Variants in MYO3A observed in about 807,000 individuals in gnomAD.
MYO3A encodes the protein myosin IIIA.
A neutral mutation model predicts 192.7 loss-of-function variants in MYO3A; 180 were observed. The ratio of observed to expected loss-of-function variants is 0.93; its 90% CI spans 0.83 to 1.06. The LOEUF (loss-of-function observed/expected upper bound fraction) is 1.06, where lower values mean the gene tolerates loss of function less well. Among genes scored for constraint, MYO3A ranks in the 50% least tolerant of loss-of-function variants. The probability of loss-of-function intolerance (pLI) is 0.00; values close to 1 mark genes in which losing one functional copy is unlikely to be tolerated. For missense variants in MYO3A, 1,896 were observed against 1,905.0 expected, an observed-to-expected ratio of 1.00 and a Z score of 0.09; for synonymous variants, 628 against 645.3, an observed-to-expected ratio of 0.97 and a Z score of 0.41.
intron 23 of MYO3A, among the ~76,000 whole-genome samples, chr10:26,150,219 T>C (rs1438865309): frequency 6.6e-6 from 1 of 152,238 alleles, no homozygotes; most frequent in Non-Finnish European, 1.5e-5. Flanking sequence ...GTACTTTTTA[T>C]ATATTGCTGA....
chr10:26,149,558 A>G (rs1170125035), intron 23 of MYO3A, among the ~76,000 whole-genome samples: 1 of 152,120 alleles, frequency 6.6e-6, no homozygotes, highest in Non-Finnish European at 1.5e-5. Flanking sequence ...TTTATCAGGC[A>G]TGCATATAGT....
chr10:26,173,301 G>T (rs912554347), intron 29 of MYO3A, among the ~76,000 whole-genome samples: 9 of 152,078 alleles, frequency 5.9e-5, no homozygotes, highest in African/African-American at 2.2e-4. Flanking sequence ...TCAAACTTAG[G>T]TATATTTTTC....
chr10:26,108,442 T>G (rs765430949), intron 17 of MYO3A, among the ~76,000 whole-genome samples: 7 of 152,214 alleles, frequency 4.6e-5, no homozygotes, highest in Non-Finnish European at 1.0e-4. Context: ...ATTAGAAAAT[T>G]TAATCAACAA....
chr10:25,983,504 G>T (rs529106697), intron 4 of MYO3A, among the ~76,000 whole-genome samples: 1 of 151,944 alleles, frequency 6.6e-6, no homozygotes, highest in Admixed American at 6.6e-5. Flanking sequence ...TGATCCACCC[G>T]CCTCGGCCTC....
At chr10:26,106,929 A>T (rs576798032) in intron 17 of MYO3A, among the ~76,000 whole-genome samples, 25 of 151,760 alleles carry the variant, frequency 1.6e-4, no homozygotes, top group Non-Finnish European at 2.9e-4. Flanking sequence ...AAATGTATCT[A>T]TTTTTTTCTT....
intron 14 of MYO3A, among the ~76,000 whole-genome samples, chr10:26,085,305 G>C (rs1025870457): frequency 6.6e-6 from 1 of 151,054 alleles, no homozygotes; most frequent in African/African-American, 2.4e-5. Context: ...TTTGGCTTTA[G>C]CTTTTTCTTT....
intron 32 of MYO3A, among the ~76,000 whole-genome samples, chr10:26,196,778 T>A (rs999642195): frequency 1.3e-5 from 2 of 152,214 alleles, no homozygotes; most frequent in African/African-American, 2.4e-5. Flanking sequence ...GAATTTTTTT[T>A]AACTTTTTTT....
intron 2 of MYO3A, among the ~76,000 whole-genome samples, chr10:25,936,054 TTTGTC>T (rs1836043130): frequency 6.6e-6 from 1 of 152,164 alleles, no homozygotes; most frequent in African/African-American, 2.4e-5. Flanking sequence ...ATTACATTCA[TTTGTC>T]TTAGTCCTTT....
intron 18 of MYO3A, among the ~76,000 whole-genome samples, chr10:26,123,631 A>G (rs372599163): frequency 6.6e-6 from 1 of 152,172 alleles, no homozygotes; most frequent in Non-Finnish European, 1.5e-5. Flanking sequence ...AATAGTATAT[A>G]TCAAAAAACT....
At chr10:26,129,886 A>C (rs1365363610) in intron 20 of MYO3A, among the ~76,000 whole-genome samples, 1 of 152,156 alleles carries the variant, frequency 6.6e-6, no homozygotes, top group Non-Finnish European at 1.5e-5. Flanking sequence ...ACAAGTAAAA[A>C]ATTTTTGGTT....
Position 26,125,547 on chromosome 10 carries a change from C to T in MYO3A, c.2053C>T (p.Arg685Cys), listed in dbSNP as rs1207217647. 26 of 1,613,996 alleles carry T rather than the reference C, an allele frequency of 1.6e-5. No individual in the cohort carries two copies. Among genetic ancestry groups the T allele is most frequent in the Middle Eastern group, 1.6e-4 (1 of 6,062 alleles). ...RDAMAKTLYG[R>C]LFSWIVNCIN... ...TGCCATGGCTAAAACTTTATATGGA[C>T]GTCTCTTTAGTTGGATAGTCAATTG... is the stretch of plus-strand genomic sequence containing the variant. The change falls in exon 19 of 35, where the codon CGT becomes TGT. Residue 685 changes from arginine (R) to cysteine (C), a missense_variant. Physicochemically the swap from Arg to Cys is radical, Grantham distance 180 (BLOSUM62 -3). Coordinates refer to ENST00000642920, the MANE Select transcript of MYO3A (RefSeq NM_017433.5).
chr10:26,018,676 C>T (rs908802711), intron 7 of MYO3A, among the ~76,000 whole-genome samples: 1 of 152,094 alleles, frequency 6.6e-6, no homozygotes. Flanking sequence ...GACTGTACAA[C>T]TTATCATACA....
intron 4 of MYO3A, among the ~76,000 whole-genome samples, chr10:25,985,237 C>CAAAAAA (rs1157598256): frequency 1.3e-5 from 1 of 79,844 alleles, no homozygotes; most frequent in African/African-American, 4.8e-5. Flanking sequence ...GACTCTGTCT[C>CAAAAAA]AAAAAAAAAA....
At chr10:25,939,684 GTATC>G (rs1467804970) in intron 2 of MYO3A, among the ~76,000 whole-genome samples, 4 of 151,720 alleles carry the variant, frequency 2.6e-5, no homozygotes, top group Non-Finnish European at 4.4e-5. Context: ...CTCAGAGAGT[GTATC>G]TATTCTTTTT....
In MYO3A at chr10:26,153,855, C is replaced by T. The variant is rs747170058; in HGVS notation, c.2641C>T (p.Leu881=). Residue 881 remains leucine (L), a synonymous_variant, in exon 24 of 35, where the codon CTG becomes TTG. Transcript: ENST00000642920. ...ATTTTTCTACATTCTCATAGGTAAT[C>T]TGCCACATTCTAAAACTAAAAATGT... ...VNHPLTKTGN[L]PHSKTKNVIN... The T allele has an allele frequency of 2.6e-6, 4 of 1,558,372 alleles. No individual in the cohort carries two copies. Among genetic ancestry groups the T allele is most frequent in the Non-Finnish European group, 3.5e-6 (4 of 1,129,724 alleles).
chr10:26,171,329 A>G (rs1328923440), intron 29 of MYO3A, among the ~76,000 whole-genome samples: 1 of 152,164 alleles, frequency 6.6e-6, no homozygotes, highest in Non-Finnish European at 1.5e-5. Flanking sequence ...CTGGCCATAG[A>G]AAGGGTGAAG....
At chr10:26,096,122 C>T (rs1239182843) in intron 15 of MYO3A, among the ~76,000 whole-genome samples, 6 of 152,140 alleles carry the variant, frequency 3.9e-5, no homozygotes, top group Admixed American at 2.0e-4. Context: ...ATATCCCCAG[C>T]GCCTGGAACA....
intron 2 of MYO3A, among the ~76,000 whole-genome samples, chr10:25,941,260 T>G (rs1461944648): frequency 6.6e-6 from 1 of 152,150 alleles, no homozygotes; most frequent in Non-Finnish European, 1.5e-5. Context: ...ACCCTGACAG[T>G]TTCTGTCCTA....
chr10:26,107,469 G>A (rs1588968339), intron 17 of MYO3A, among the ~76,000 whole-genome samples: 4 of 110,400 alleles, frequency 3.6e-5, no homozygotes, highest in Admixed American at 1.0e-4. Context: ...CGAAAAGAGT[G>A]AAACACCATC....
Sources: allele counts gnomAD v4.1 joint callset (sites outside exome capture counted in the v4.1 genomes callset), GRCh38; gene constraint gnomAD v4.1.1; transcripts MANE v1.5; gene names NCBI Gene and HGNC (gene_info 2026-07-23, HGNC 2026-07-21).